Variants in FAM135B observed in about 807,000 individuals in gnomAD.
FAM135B encodes the protein protein FAM135B.
Under a neutral mutation model 127.7 loss-of-function variants are expected in FAM135B, and 43 were observed. The ratio of observed to expected loss-of-function variants is 0.34; its 90% CI spans 0.26 to 0.43. The LOEUF is 0.43. FAM135B is among the 20% of genes least tolerant of loss of function. The pLI is 1.00. For synonymous variants in FAM135B, 670 were observed against 665.1 expected, an observed-to-expected ratio of 1.01 and a Z score of -0.11; for missense variants, 1,558 against 1,725.6, an observed-to-expected ratio of 0.90 and a Z score of 1.72.
rs757038601 is a variant in FAM135B at position 138,243,232 on chromosome 8, G to C, written c.543-164C>G. Among the ~76,000 whole-genome samples, 42 of 152,150 alleles carry C rather than the reference G, an allele frequency of 2.8e-4. No individual in the cohort carries two copies. The highest frequency in any genetic ancestry group is 2.1e-3 in the Admixed American group (32 of 15,274). ...TGCATGTGACATTTGTGGATATTTT[G>C]ATGATAAAGAGGGTACAACTGGCAC... On this transcript the variant is annotated intron_variant, in intron 6 of 19. Transcript: ENST00000395297. The surrounding 1 kb of genome is among the most constrained non-coding windows in gnomAD (Gnocchi z 7.5).
At chr8:138,328,246 T>G (rs927336178) in intron 2 of FAM135B, among the ~76,000 whole-genome samples, 2 of 152,180 alleles carry the variant, frequency 1.3e-5, no homozygotes, top group Non-Finnish European at 2.9e-5. Context: ...TTCACCCATT[T>G]TACAACTCTA....
chr8:138,300,234 G>A (rs1825786211), intron 3 of FAM135B, among the ~76,000 whole-genome samples: 1 of 150,082 alleles, frequency 6.7e-6, no homozygotes, highest in Admixed American at 6.7e-5. Flanking sequence ...TTATACCCGT[G>A]TCCCTCCCAC....
intron 1 of FAM135B, among the ~76,000 whole-genome samples, chr8:138,452,333 C>G (rs1836540817): frequency 6.6e-6 from 1 of 151,916 alleles, no homozygotes; most frequent in South Asian, 2.1e-4. Flanking sequence ...GTTGGCCAGA[C>G]TGGTCTCGAA....
intron 1 of FAM135B, chr8:138,459,464 G>A (rs1392615080): frequency 6.6e-6 from 1 of 152,166 alleles, no homozygotes; most frequent in African/African-American, 2.4e-5. Context: ...TCACTAGAGA[G>A]GGCGTTCCTC....
At chr8:138,270,371 G>C (rs758470568) in intron 3 of FAM135B, among the ~76,000 whole-genome samples, 1 of 152,192 alleles carries the variant, frequency 6.6e-6, no homozygotes, top group Non-Finnish European at 1.5e-5. Flanking sequence ...CTTGAGAAAA[G>C]CTGGGGCCCA....
chr8:138,209,578 G>A (rs1413318410), intron 7 of FAM135B, among the ~76,000 whole-genome samples: 2 of 152,150 alleles, frequency 1.3e-5, no homozygotes, highest in African/African-American at 2.4e-5. Flanking sequence ...GTCAGGTCAT[G>A]GAGAGCCAGG....
intron 3 of FAM135B, among the ~76,000 whole-genome samples, chr8:138,273,759 T>C (rs2130694731): frequency 6.6e-6 from 1 of 152,270 alleles, no homozygotes; most frequent in East Asian, 1.9e-4. Context: ...TCAGTTTCTC[T>C]CTCACTCACT....
intron 1 of FAM135B, among the ~76,000 whole-genome samples, chr8:138,384,608 C>CAG (rs1232097428): frequency 1.3e-5 from 2 of 151,636 alleles, no homozygotes; most frequent in Admixed American, 6.6e-5. Context: ...CAAGTAACTA[C>CAG]AGAGAGAGAG....
At chr8:138,285,134 ATTTTTTTTTTTTTTTTTT>A (rs386414180) in intron 3 of FAM135B, among the ~76,000 whole-genome samples, 1 of 54,748 alleles carries the variant, frequency 1.8e-5, no homozygotes, top group African/African-American at 7.1e-5. Flanking sequence ...GGCTCTACTA[ATTTTTTTTTTTTTTTTTT>A]TTTTTTTTTT....
chr8:138,475,671 T>G (rs1814387314), intron 1 of FAM135B, among the ~76,000 whole-genome samples: 1 of 152,226 alleles, frequency 6.6e-6, no homozygotes, highest in African/African-American at 2.4e-5. Context: ...CCTCACTAAT[T>G]CTTACCTCAT....
intron 1 of FAM135B, among the ~76,000 whole-genome samples, chr8:138,424,192 A>C (rs905154470): frequency 1.3e-5 from 2 of 152,212 alleles, no homozygotes; most frequent in Admixed American, 1.3e-4. Context: ...TAAGATATTA[A>C]AGACAGGCAT....
chr8:138,335,433 CAA>C (rs1233384763), intron 2 of FAM135B, among the ~76,000 whole-genome samples: 2 of 151,670 alleles, frequency 1.3e-5, no homozygotes, highest in Admixed American at 6.6e-5. Flanking sequence ...AAATGGAAAA[CAA>C]AAAAAGGCAG....
intron 7 of FAM135B, among the ~76,000 whole-genome samples, chr8:138,224,188 GA>G (rs1341729225): frequency 2.0e-5 from 3 of 152,170 alleles, no homozygotes; most frequent in African/African-American, 7.2e-5. Context: ...AGTAAAAGTT[GA>G]AAAAGATAAA....
intron 7 of FAM135B, among the ~76,000 whole-genome samples, chr8:138,215,246 A>C (rs1818457102): frequency 6.6e-6 from 1 of 152,210 alleles, no homozygotes; most frequent in South Asian, 2.1e-4. Context: ...TTATCTGTAA[A>C]ATGAGGGAAA....
chr8:138,168,169 C>T, intron 11 of FAM135B, 120 bp from the exon 12 acceptor site: 2 of 1,168,358 alleles, frequency 1.7e-6, no homozygotes, highest in Non-Finnish European at 2.3e-6. Context: ...AATTGTCTGC[C>T]CATCATCCTT....
Position 138,243,434 on chromosome 8 carries a change from T to C in FAM135B, c.543-366A>G, listed in dbSNP as rs963931044. On this transcript the variant is annotated intron_variant, in intron 6 of 19. Transcript: ENST00000395297. This position sits in a 1 kb window ranked among gnomAD's most constrained non-coding sequence, Gnocchi z 7.5. ...CAGGGGCAACTCTGACCAGACAAGG[T>C]CTGAGTCCTGTCCCTGCTCCTTCCA... 2.6e-5 allele frequency among the ~76,000 whole-genome samples: 4 copies of C among 152,130 alleles called. No individual in the cohort carries two copies. Among genetic ancestry groups the C allele is most frequent in the Non-Finnish European group, 5.9e-5 (4 of 68,034 alleles).
intron 1 of FAM135B, among the ~76,000 whole-genome samples, chr8:138,427,709 A>C (rs1340903945): frequency 6.6e-6 from 1 of 152,168 alleles, no homozygotes; most frequent in African/African-American, 2.4e-5. Context: ...ACATTACATA[A>C]CATAGCTATG....
At chr8:138,387,271 A>T (rs1200466406) in intron 1 of FAM135B, among the ~76,000 whole-genome samples, 3 of 152,114 alleles carry the variant, frequency 2.0e-5, no homozygotes, top group Non-Finnish European at 4.4e-5. Context: ...CTCTAAAGGG[A>T]AACACCTGAA....
intron 3 of FAM135B, among the ~76,000 whole-genome samples, chr8:138,273,398 G>A (rs1823541804): frequency 6.6e-6 from 1 of 152,150 alleles, no homozygotes; most frequent in Non-Finnish European, 1.5e-5. Flanking sequence ...TAGAGACGGT[G>A]TTTCACCATG....
Sources: allele counts gnomAD v4.1 joint callset (sites outside exome capture counted in the v4.1 genomes callset), GRCh38; gene constraint gnomAD v4.1.1; non-coding constraint Gnocchi (gnomAD v3.1); transcripts MANE v1.5; gene names NCBI Gene and HGNC (gene_info 2026-07-23, HGNC 2026-07-21).